Variants in NPAS3 observed in about 807,000 individuals in gnomAD.
NPAS3 encodes neuronal PAS domain protein 3, also known as neuronal PAS domain-containing protein 3.
Under a neutral mutation model 73.1 loss-of-function variants are expected in NPAS3, and 14 were observed. The ratio of observed to expected loss-of-function variants is 0.19; its 90% CI spans 0.13 to 0.30. NPAS3 has a LOEUF of 0.30. Among genes scored for constraint, NPAS3 ranks in the 10% least tolerant of loss-of-function variants. The pLI, the probability that NPAS3 is intolerant of heterozygous loss-of-function variation, is 1.00. For synonymous variants in NPAS3, 620 were observed against 541.5 expected, an observed-to-expected ratio of 1.14 and a Z score of -2.01; for missense variants, 1,096 against 1,250.0, an observed-to-expected ratio of 0.88 and a Z score of 1.86.
chr14:33,654,357 T>A (rs996210781), intron 5 of NPAS3, among the ~76,000 whole-genome samples: 11 of 152,198 alleles, frequency 7.2e-5, no homozygotes, highest in Non-Finnish European at 2.9e-5. Context: ...CAAAGAAGAA[T>A]TGAAATTGTA....
chr14:33,304,437 A>G (rs1182191954), intron 3 of NPAS3, among the ~76,000 whole-genome samples: 6 of 152,018 alleles, frequency 3.9e-5, no homozygotes, highest in Admixed American at 6.6e-5. Flanking sequence ...ATTAGTGTCT[A>G]TCAAACATGG....
chr14:32,992,437 A>G (rs2038372427), intron 1 of NPAS3, among the ~76,000 whole-genome samples: 1 of 152,196 alleles, frequency 6.6e-6, no homozygotes, highest in Non-Finnish European at 1.5e-5. Flanking sequence ...GGCACTGCCT[A>G]GCACCCAGGT....
At chr14:33,162,625 T>C (rs536684402) in intron 2 of NPAS3, among the ~76,000 whole-genome samples, 64 of 151,976 alleles carry the variant, frequency 4.2e-4, no homozygotes, top group Non-Finnish European at 8.5e-4. Flanking sequence ...TTTCTTACTC[T>C]CTCTCCAAAG....
At chr14:33,399,725 C>T (rs1119053) in intron 4 of NPAS3, among the ~76,000 whole-genome samples, 13,386 of 151,122 alleles carry the variant, frequency 0.089, 863 homozygotes, top group East Asian at 0.36. Flanking sequence ...GTTATTTTTA[C>T]GTATTGTGAT....
At chr14:33,718,628 T>C (rs1307362727) in intron 6 of NPAS3, among the ~76,000 whole-genome samples, 1 of 133,620 alleles carries the variant, frequency 7.5e-6, no homozygotes, top group Non-Finnish European at 1.8e-5. Flanking sequence ...CAGATTCACA[T>C]TTGATATGGT....
chr14:33,049,848 A>C (rs984091276), intron 1 of NPAS3, among the ~76,000 whole-genome samples: 4 of 152,354 alleles, frequency 2.6e-5, no homozygotes, highest in South Asian at 4.1e-4. Flanking sequence ...AAGACAGAGG[A>C]ATAGAAAGCA....
intron 4 of NPAS3, among the ~76,000 whole-genome samples, chr14:33,551,499 T>C (rs1174288006): frequency 6.6e-6 from 1 of 152,228 alleles, no homozygotes; most frequent in Non-Finnish European, 1.5e-5. Flanking sequence ...TAAGTGAGGC[T>C]GTACTTTCAG....
At chr14:33,571,338 C>T (rs1305924368) in intron 5 of NPAS3, among the ~76,000 whole-genome samples, 10 of 152,126 alleles carry the variant, frequency 6.6e-5, no homozygotes, top group Non-Finnish European at 1.5e-4. Context: ...GTTCATCCAA[C>T]GCTGGACATT....
chr14:33,246,839 CAAAAAAAAAAAAAA>C (rs571439161), intron 3 of NPAS3, among the ~76,000 whole-genome samples: 3 of 61,954 alleles, frequency 4.8e-5, no homozygotes, highest in Admixed American at 2.0e-4. Flanking sequence ...ATTAAAAATA[CAAAAAAAAAAAAAA>C]AAAAAAAAAA....
At chr14:33,773,788 T>G (rs2062728181) in intron 7 of NPAS3, among the ~76,000 whole-genome samples, 1 of 152,324 alleles carries the variant, frequency 6.6e-6, no homozygotes, top group South Asian at 2.1e-4. Flanking sequence ...CACTGGGAAC[T>G]CAGTGCTGCA....
chr14:33,112,004 A>G (rs532203456), intron 2 of NPAS3, among the ~76,000 whole-genome samples: 13 of 152,036 alleles, frequency 8.6e-5, no homozygotes, highest in African/African-American at 3.1e-4. Context: ...TGGACTCATC[A>G]TTTTTTATGG....
At chr14:33,649,076 T>A (rs913170009) in intron 5 of NPAS3, among the ~76,000 whole-genome samples, 7 of 152,328 alleles carry the variant, frequency 4.6e-5, no homozygotes, top group Admixed American at 3.9e-4. Flanking sequence ...GAGTTCATTC[T>A]AACCAAAACT....
At chr14:33,096,049 A>G (rs1368554789) in intron 2 of NPAS3, among the ~76,000 whole-genome samples, 1 of 150,728 alleles carries the variant, frequency 6.6e-6, no homozygotes, top group Non-Finnish European at 1.5e-5. Context: ...GCATGGATAC[A>G]TGGACAACAG....
intron 3 of NPAS3, among the ~76,000 whole-genome samples, chr14:33,264,036 T>C (rs1566737358): frequency 6.6e-6 from 1 of 152,118 alleles, no homozygotes; most frequent in African/African-American, 2.4e-5. Context: ...TGTCCAACAA[T>C]GATAGACTGG....
intron 3 of NPAS3, among the ~76,000 whole-genome samples, chr14:33,252,854 A>G (rs538481051): frequency 5.9e-4 from 90 of 151,636 alleles, no homozygotes; most frequent in Non-Finnish European, 1.1e-3. Context: ...ATATGTACCC[A>G]TTGTTTGGCT....
intron 6 of NPAS3, among the ~76,000 whole-genome samples, chr14:33,691,817 A>T (rs1005205772): frequency 1.3e-5 from 2 of 152,198 alleles, no homozygotes; most frequent in Admixed American, 6.5e-5. Context: ...TCAACCCCCA[A>T]CTGGGGCTTT....
At chr14:33,534,220 A>T (rs1395416731) in intron 4 of NPAS3, among the ~76,000 whole-genome samples, 67 of 128,192 alleles carry the variant, frequency 5.2e-4, no homozygotes, top group African/African-American at 2.7e-3. Flanking sequence ...AGAGCAGTAA[A>T]AAAAAAAAAA....
At chr14:33,066,035 C>T (rs1413591087) in intron 2 of NPAS3, among the ~76,000 whole-genome samples, 5 of 152,078 alleles carry the variant, frequency 3.3e-5, no homozygotes, top group Non-Finnish European at 5.9e-5. Flanking sequence ...ATCTGGATGT[C>T]TTGGTGAAGA....
downstream of NPAS3, chr14:33,803,892 A>T (rs1019014574): frequency 7.9e-5 from 12 of 152,308 alleles, no homozygotes; most frequent in South Asian, 1.2e-3. Context: ...TATATATATA[A>T]AAAAATAATT....
Sources: gnomAD v4.1 joint callset for allele counts (sites outside exome capture counted in the v4.1 genomes callset) on GRCh38, gnomAD v4.1.1 for gene constraint, MANE v1.5 for transcripts, NCBI Gene and HGNC (gene_info 2026-07-23, HGNC 2026-07-21) for gene names.